Variants in HECTD4 observed in about 807,000 individuals in gnomAD.
HECTD4 encodes the protein HECT domain E3 ubiquitin protein ligase 4.
A neutral mutation model predicts 471.5 loss-of-function variants in HECTD4; 114 were observed. That is an observed-to-expected ratio of 0.24 (90% CI 0.21 to 0.28). The LOEUF is 0.28. HECTD4 is among the 10% of genes least tolerant of loss of function. The probability of loss-of-function intolerance (pLI) is 1.00; values close to 1 mark genes in which losing one functional copy is unlikely to be tolerated. For synonymous variants in HECTD4, 2,012 were observed against 2,256.0 expected (o/e 0.89, Z 3.07); for missense variants, 3,866 against 5,651.5 (o/e 0.68, Z 10.13).
rs761342174 is a variant in HECTD4 at position 112,193,619 on chromosome 12, G to T, written c.8805C>A (p.Ile2935=). 1.9e-6 allele frequency: 3 copies of T among 1,613,316 alleles called. No homozygotes were observed. The South Asian group carries it at 3.3e-5, about 18-fold the overall frequency. Residue 2935 remains isoleucine, a synonymous_variant, in exon 57 of 76, where the codon ATC becomes ATA. Transcript: ENST00000682272. This position sits in a 1 kb window ranked among gnomAD's most constrained non-coding sequence, Gnocchi z 5.2. ...ILLAQSLQHC[I]HSQNCSATDL... ...CCGTGGCGGAGCAGTTCTGGGAATG[G>T]ATGCAATGCTGTAAAGACTGCGCCA...
In HECTD4 at chr12:112,319,186, G is replaced by A. The variant is rs1005953235; in HGVS notation, c.695+39C>T. 16 of 1,531,610 alleles carry A rather than the reference G, an allele frequency of 1.0e-5. No individual in the cohort carries two copies. The highest frequency in any genetic ancestry group is 1.4e-5 in the Non-Finnish European group (16 of 1,143,806). The allele number at this position is 1,531,610 out of a possible 1,614,324, so 94.9% of individuals were successfully genotyped here. ...CATTCACCCAACCCAGGTGGCAGTA[G>A]TCACAAGGTCACCAAATGATACATT... On this transcript the variant is annotated intron_variant, in intron 2 of 75. Transcript: ENST00000682272. This position sits in a 1 kb window ranked among gnomAD's most constrained non-coding sequence, Gnocchi z 5.3.
chr12:112,296,104 T>C (rs527796879), intron 7 of HECTD4, among the ~76,000 whole-genome samples: 8 of 152,274 alleles, frequency 5.3e-5, no homozygotes, highest in African/African-American at 1.9e-4. Context: ...CATGGCTAAG[T>C]GGCATGAACA....
intron 34 of HECTD4, 143 bp from the exon 35 acceptor site, chr12:112,237,241 C>A: frequency 3.4e-6 from 2 of 580,748 alleles, no homozygotes; most frequent in South Asian, 4.3e-5. Flanking sequence ...TAGATAATGT[C>A]TACACATAAA....
chr12:112,322,358 GA>G (rs1215531127), intron 1 of HECTD4: 1 of 152,024 alleles, frequency 6.6e-6, no homozygotes, highest in African/African-American at 2.4e-5. Context: ...GTGACAGGGG[GA>G]GACCCTGTCT....
Position 112,163,533 on chromosome 12 carries a change from G to A in HECTD4, c.12897+9C>T, listed in dbSNP as rs1229369928. On this transcript the variant is annotated intron_variant, in intron 74 of 75. Coordinates refer to ENST00000682272, the MANE Select transcript of HECTD4 (RefSeq NM_001388303.1). The surrounding 1 kb of genome is among the most constrained non-coding windows in gnomAD (Gnocchi z 8.2). ...ACCTCCCCGCCCAGCCTGGCCCTGG[G>A]ATGTCTACCTTGAGGAACTCGAGGT... 1.4e-6 allele frequency: 2 copies of A among 1,457,466 alleles called. No homozygotes were observed. The highest frequency in any genetic ancestry group is 1.8e-6 in the Non-Finnish European group (2 of 1,101,182). The allele number at this position is 1,457,466 out of a possible 1,614,324, so 90.3% of individuals were successfully genotyped here. A position where few individuals can be genotyped will look rare whatever the true frequency, so the allele number is the denominator to read the frequency against.
intron 1 of HECTD4, among the ~76,000 whole-genome samples, chr12:112,368,902 T>C (rs1306169969): frequency 6.6e-6 from 1 of 152,218 alleles, no homozygotes; most frequent in Non-Finnish European, 1.5e-5. Context: ...CTCATGTTAT[T>C]AGCATGTAAG....
At position 112,270,466 on chromosome 12, in the gene HECTD4, G is replaced by T; in HGVS notation, c.1943-7C>A. 1 of 1,609,802 alleles carries T rather than the reference G, an allele frequency of 6.2e-7. No individual in the cohort carries two copies. The highest frequency in any genetic ancestry group is 2.2e-5 in the East Asian group (1 of 44,856). ...TTCGTGGTTATAGCCTCTTCTAGAA[G>T]ATGAAAAGGAAACTGAGTGAGGAAA... is the stretch of plus-strand genomic sequence containing the variant. On this transcript the variant is annotated splice_region_variant and splice_polypyrimidine_tract_variant and intron_variant, in intron 11 of 75. Transcript: ENST00000682272.
In HECTD4 at chr12:112,267,001, C is replaced by A; in HGVS notation, c.2322-19G>T. ...ACCAGAGCTGAAATGACAAAAAAGT[C>A]AAAAACATTTAAGCAAATGTTCTAG... On this transcript the variant is annotated intron_variant, in intron 13 of 75. Transcript: ENST00000682272. The A allele has an allele frequency of 7.3e-7, 1 of 1,365,376 alleles. No individual in the cohort carries two copies. Among genetic ancestry groups the A allele is most frequent in the Non-Finnish European group, 1.0e-6 (1 of 989,178 alleles). 84.6% of individuals were successfully genotyped at this position (1,365,376 alleles called of 1,614,324 possible). A position where few individuals can be genotyped will look rare whatever the true frequency, so the allele number is the denominator to read the frequency against.
intron 7 of HECTD4, among the ~76,000 whole-genome samples, chr12:112,301,718 A>G (rs1337400416): frequency 6.6e-6 from 1 of 151,832 alleles, no homozygotes; most frequent in Non-Finnish European, 1.5e-5. Context: ...GTCCTGTTTT[A>G]TAATATGAAT....
At position 112,239,249 on chromosome 12, in the gene HECTD4, C is replaced by CA; in HGVS notation, c.5106-14dup. On this transcript the variant is annotated splice_polypyrimidine_tract_variant and intron_variant, in intron 33 of 75. Coordinates refer to ENST00000682272, the MANE Select transcript of HECTD4 (RefSeq NM_001388303.1). The surrounding 1 kb of genome is among the most constrained non-coding windows in gnomAD (Gnocchi z 4.9). Reference sequence around the variant, plus strand: ...CTTCTCTTCGCTCCTGACAAAGGGTCATGGATTACACTAGATAAACGTAAC... The same window carrying CA: ...CTTCTCTTCGCTCCTGACAAAGGGTCAATGGATTACACTAGATAAACGTAAC... 6.2e-7 allele frequency: 1 copy of CA among 1,604,300 alleles called. No homozygotes were observed. Among genetic ancestry groups the CA allele is most frequent in the East Asian group, 2.2e-5 (1 of 44,564 alleles).
chr12:112,341,583 T>G (rs1331019324), intron 1 of HECTD4, among the ~76,000 whole-genome samples: 1 of 152,218 alleles, frequency 6.6e-6, no homozygotes, highest in Non-Finnish European at 1.5e-5. Context: ...AAACCTCGTC[T>G]ATCGCTTTAC....
At chr12:112,172,319 A>C (rs935264128) in intron 67 of HECTD4, among the ~76,000 whole-genome samples, 8 of 152,252 alleles carry the variant, frequency 5.3e-5, no homozygotes, top group Non-Finnish European at 1.0e-4. Flanking sequence ...CCTCTACTGC[A>C]AGTTATCAGA....
At chr12:112,341,205 T>C (rs1209043293) in intron 1 of HECTD4, among the ~76,000 whole-genome samples, 1 of 152,136 alleles carries the variant, frequency 6.6e-6, no homozygotes, top group Non-Finnish European at 1.5e-5. Flanking sequence ...ACATTAAAAA[T>C]GCCACCTGCT....
Position 112,268,819 on chromosome 12 carries a change from T to C in HECTD4, c.2321+885A>G, listed in dbSNP as rs151086991. 1.1e-3 allele frequency among the ~76,000 whole-genome samples: 156 copies of C among 148,418 alleles called. 1 individual carries two copies. The highest frequency in any genetic ancestry group is 3.6e-3 in the African/African-American group (148 of 40,694). ...AAACAAACCAAAAAAAAAAAAGACT[T>C]ACAATAAATAGAAAATGGCCTATAA... On this transcript the variant is annotated intron_variant, in intron 13 of 75. Coordinates refer to ENST00000682272, the MANE Select transcript of HECTD4 (RefSeq NM_001388303.1).
chr12:112,254,503 CTAAT>C lies in HECTD4; in HGVS notation c.3328-345_3328-342del, dbSNP rs370822114. 1.9e-4 allele frequency among the ~76,000 whole-genome samples: 29 copies of C among 152,202 alleles called. No individual in the cohort carries two copies. The East Asian group carries it at 2.3e-3, about 12-fold the overall frequency. ...TATTTTTGAAATAGCTATTTTAATGCTAATTAATAACAAATAACTCATTAATAAC... is the reference window on the plus strand; with the variant it reads ...TATTTTTGAAATAGCTATTTTAATGCTAATAACAAATAACTCATTAATAAC... On this transcript the variant is annotated intron_variant, in intron 21 of 75. Coordinates refer to ENST00000682272, the MANE Select transcript of HECTD4 (RefSeq NM_001388303.1).
At position 112,324,045 on chromosome 12, in the gene HECTD4, CCTTTCTTTCTTTCTTTCTTTCTTT is replaced by C. The variant is rs71083202; in HGVS notation, c.178-4327_178-4304del. ...TCCTTCCTTCCTTCCTTCCTTCCTTCCTTTCTTTCTTTCTTTCTTTCTTTCTTTCTTTCTTTCTTTCTTTCTTTC... is the reference window on the plus strand; with the variant it reads ...TCCTTCCTTCCTTCCTTCCTTCCTTCCTTTCTTTCTTTCTTTCTTTCTTTC... On this transcript the variant is annotated intron_variant, in intron 1 of 75. Transcript: ENST00000682272. 1.4e-4 allele frequency among the ~76,000 whole-genome samples: 2 copies of C among 13,936 alleles called. 1 individual carries two copies. Among genetic ancestry groups the C allele is most frequent in the African/African-American group, 7.0e-4 (2 of 2,864 alleles). The allele number at this position is 13,936 out of a possible 152,430, so 9.1% of individuals were successfully genotyped here. A position where few individuals can be genotyped will look rare whatever the true frequency, so the allele number is the denominator to read the frequency against.
chr12:112,175,665 A>C (rs777685085), intron 66 of HECTD4, 71 bp downstream of exon 66: 27 of 1,544,796 alleles, frequency 1.7e-5, no homozygotes, highest in Non-Finnish European at 2.2e-5. Context: ...TCAGCTCCTC[A>C]GAAATTATGC....
chr12:112,375,223 G>A (rs945377621), intron 1 of HECTD4, among the ~76,000 whole-genome samples: 2 of 152,136 alleles, frequency 1.3e-5, no homozygotes, highest in Admixed American at 6.5e-5. Context: ...GAGTACCAAC[G>A]GTTCATTCGT....
intron 7 of HECTD4, among the ~76,000 whole-genome samples, chr12:112,288,572 G>GCAGAGATAGTAGCACCA (rs2034807761): frequency 6.6e-6 from 1 of 152,098 alleles, no homozygotes; most frequent in South Asian, 2.1e-4. Context: ...CAGTGAGTGA[G>GCAGAGATAGTAGCACCA]CAGAGATAGT....
Sources: allele counts gnomAD v4.1 joint callset (sites outside exome capture counted in the v4.1 genomes callset), GRCh38; gene constraint gnomAD v4.1.1; non-coding constraint Gnocchi (gnomAD v3.1); transcripts MANE v1.5; gene names NCBI Gene and HGNC (gene_info 2026-07-23, HGNC 2026-07-21).